SPAG16: variants seen among roughly 807,000 people sequenced by gnomAD.
SPAG16 encodes sperm associated antigen 16.
Under a neutral mutation model 80.4 loss-of-function variants are expected in SPAG16, and 86 were observed. The observed-to-expected ratio is 1.07, with a 90% CI of 0.90 to 1.28. The LOEUF is 1.28. Ranked by LOEUF, SPAG16 falls within the 50% of genes most tolerant of loss-of-function variation. The pLI is 0.00. For missense variants in SPAG16, 870 were observed against 765.3 expected, an observed-to-expected ratio of 1.14 and a Z score of -1.61; for synonymous variants, 294 against 265.9, an observed-to-expected ratio of 1.11 and a Z score of -1.03.
chr2:214,137,101 G>T (rs547066292), intron 14 of SPAG16, among the ~76,000 whole-genome samples: 2 of 152,118 alleles, frequency 1.3e-5, no homozygotes, highest in Admixed American at 1.3e-4. Flanking sequence ...TTTTTCTGAT[G>T]ATAAAAATTA....
At chr2:213,988,186 G>C (rs1039250610) in intron 12 of SPAG16, among the ~76,000 whole-genome samples, 1 of 151,968 alleles carries the variant, frequency 6.6e-6, no homozygotes, top group Non-Finnish European at 1.5e-5. Context: ...ATGAGCACTT[G>C]ATAAAGCTAA....
intron 15 of SPAG16, among the ~76,000 whole-genome samples, chr2:214,318,370 A>ATTCT (rs1576766050): frequency 9.3e-6 from 1 of 108,080 alleles, no homozygotes; most frequent in East Asian, 2.7e-4. Flanking sequence ...GTGAGAGTGA[A>ATTCT]TTCTTTTTTT....
chr2:213,787,880 A>G (rs577681375), intron 10 of SPAG16, among the ~76,000 whole-genome samples: 2 of 152,202 alleles, frequency 1.3e-5, no homozygotes, highest in East Asian at 1.9e-4. Context: ...AAATCTGGAT[A>G]CTATCACAAA....
intron 9 of SPAG16, among the ~76,000 whole-genome samples, chr2:213,474,398 A>G (rs973418997): frequency 6.6e-6 from 1 of 152,132 alleles, no homozygotes; most frequent in Non-Finnish European, 1.5e-5. Flanking sequence ...AAGTTGGGAG[A>G]TAGAATCCCT....
chr2:214,095,741 GTT>G (rs2052548153), intron 13 of SPAG16, among the ~76,000 whole-genome samples: 1 of 151,918 alleles, frequency 6.6e-6, no homozygotes, highest in East Asian at 1.9e-4. Flanking sequence ...TAAAGTTTCA[GTT>G]ATGCAAGATG....
intron 15 of SPAG16, among the ~76,000 whole-genome samples, chr2:214,351,616 T>G (rs540992491): frequency 1.3e-5 from 2 of 151,948 alleles, no homozygotes; most frequent in East Asian, 3.9e-4. Flanking sequence ...GGCAGGAGAA[T>G]GGCGTGAACC....
chr2:214,290,158 T>C (rs1404541643), intron 15 of SPAG16, among the ~76,000 whole-genome samples: 1 of 152,184 alleles, frequency 6.6e-6, no homozygotes, highest in Non-Finnish European at 1.5e-5. Flanking sequence ...TAGGTGTATG[T>C]TGTGAGGAAT....
intron 13 of SPAG16, among the ~76,000 whole-genome samples, chr2:214,091,735 C>G (rs1163715274): frequency 6.6e-6 from 1 of 152,108 alleles, no homozygotes; most frequent in East Asian, 1.9e-4. Context: ...TGTCTGTACA[C>G]ACATAGAAAT....
intron 10 of SPAG16, among the ~76,000 whole-genome samples, chr2:213,590,035 G>C (rs2060630239): frequency 6.6e-6 from 1 of 151,672 alleles, no homozygotes; most frequent in African/African-American, 2.4e-5. Context: ...TCTTCAGTTT[G>C]CATAATTATG....
chr2:214,225,156 A>G (rs973323562), intron 15 of SPAG16, among the ~76,000 whole-genome samples: 1 of 152,216 alleles, frequency 6.6e-6, no homozygotes, highest in African/African-American at 2.4e-5. Context: ...TGTAGCTGCA[A>G]GACAATAAGT....
intron 15 of SPAG16, among the ~76,000 whole-genome samples, chr2:214,383,785 TC>T (rs1316445925): frequency 2.6e-5 from 4 of 152,038 alleles, no homozygotes; most frequent in Admixed American, 6.6e-5. Context: ...TGGGAAGTCA[TC>T]AAAAGACAAG....
chr2:213,693,955 C>T (rs562632764), intron 10 of SPAG16, among the ~76,000 whole-genome samples: 1 of 149,716 alleles, frequency 6.7e-6, no homozygotes, highest in Admixed American at 6.7e-5. Flanking sequence ...TTTGTTTCTG[C>T]AAGAGAAGCC....
intron 10 of SPAG16, among the ~76,000 whole-genome samples, chr2:213,554,833 A>C (rs1156480565): frequency 1.3e-5 from 2 of 152,018 alleles, no homozygotes; most frequent in Non-Finnish European, 2.9e-5. Flanking sequence ...TAATGAAGAA[A>C]GCTTATGGGC....
chr2:214,356,192 T>A (rs1698785987), intron 15 of SPAG16, among the ~76,000 whole-genome samples: 1 of 150,488 alleles, frequency 6.6e-6, no homozygotes, highest in Admixed American at 6.6e-5. Context: ...AGTATAATAA[T>A]AATAAAATTT....
intron 9 of SPAG16, among the ~76,000 whole-genome samples, chr2:213,436,362 G>T (rs1575586095): frequency 6.6e-6 from 1 of 152,112 alleles, no homozygotes; most frequent in Non-Finnish European, 1.5e-5. Flanking sequence ...AAATTTATTT[G>T]TTCCCCATAT....
At chr2:213,386,048 A>G (rs1030690042) in intron 9 of SPAG16, among the ~76,000 whole-genome samples, 2 of 152,192 alleles carry the variant, frequency 1.3e-5, no homozygotes, top group African/African-American at 4.8e-5. Context: ...ACAAATAACT[A>G]TCATATTTCA....
chr2:213,909,075 C>T (rs1210043685), intron 11 of SPAG16, among the ~76,000 whole-genome samples: 2 of 152,062 alleles, frequency 1.3e-5, no homozygotes, highest in African/African-American at 4.8e-5. Flanking sequence ...CATTCTTATA[C>T]ACCAAAAACA....
At chr2:213,697,795 G>A (rs1361833808) in intron 10 of SPAG16, among the ~76,000 whole-genome samples, 2 of 152,000 alleles carry the variant, frequency 1.3e-5, no homozygotes, top group South Asian at 2.1e-4. Flanking sequence ...CCTGTTAGCA[G>A]GTAAACATGC....
chr2:213,547,161 CTAATA>C (rs1305615272), intron 10 of SPAG16, among the ~76,000 whole-genome samples: 1 of 151,938 alleles, frequency 6.6e-6, no homozygotes, highest in Non-Finnish European at 1.5e-5. Context: ...AGAAGATAAC[CTAATA>C]TATCATTGAT....
Sources: allele counts gnomAD v4.1 joint callset (sites outside exome capture counted in the v4.1 genomes callset), GRCh38; gene constraint gnomAD v4.1.1; transcripts MANE v1.5; gene names NCBI Gene and HGNC (gene_info 2026-07-23, HGNC 2026-07-21).